Variants in NIN observed in about 807,000 individuals in gnomAD.
NIN encodes glycogen synthase kinase 3 beta-interacting protein.
Under a neutral mutation model 257.6 loss-of-function variants are expected in NIN, and 137 were observed. That is an observed-to-expected ratio of 0.53 (90% CI 0.46 to 0.61). NIN has a LOEUF of 0.61. Ranked by LOEUF, NIN falls within the 20% of genes least tolerant of loss-of-function variation. NIN has a pLI of 0.00. For missense variants in NIN, 2,439 were observed against 2,501.2 expected (o/e 0.98, Z 0.53); for synonymous variants, 918 against 919.8 (o/e 1.00, Z 0.04).
intron 3 of NIN, among the ~76,000 whole-genome samples, chr14:50,810,738 G>A (rs763859874): frequency 3.3e-5 from 5 of 151,360 alleles, no homozygotes; most frequent in Admixed American, 6.6e-5. Context: ...TCGGCTCACC[G>A]CAAGCTCCGC....
intron 6 of NIN, among the ~76,000 whole-genome samples, chr14:50,778,149 T>C (rs2042992250): frequency 6.6e-6 from 1 of 152,216 alleles, no homozygotes; most frequent in African/African-American, 2.4e-5. Flanking sequence ...TGTCAAGGGA[T>C]GCATTTTTAA....
chr14:50,827,974 A>AC (rs1200609936), intron 2 of NIN, among the ~76,000 whole-genome samples: 5 of 151,852 alleles, frequency 3.3e-5, no homozygotes, highest in South Asian at 2.1e-4. Flanking sequence ...CTACAGGAAA[A>AC]AAAAAACAAA....
intron 28 of NIN, among the ~76,000 whole-genome samples, chr14:50,731,569 C>T (rs1395312086): frequency 6.6e-6 from 1 of 150,916 alleles, no homozygotes; most frequent in Non-Finnish European, 1.5e-5. Flanking sequence ...CGTATGGTGG[C>T]TCACGCCTGT....
At chr14:50,776,330 C>T (rs1387329544) in intron 7 of NIN, among the ~76,000 whole-genome samples, 1 of 152,148 alleles carries the variant, frequency 6.6e-6, no homozygotes, top group Non-Finnish European at 1.5e-5. Flanking sequence ...CTTCAAAACT[C>T]TTCTTAGTAT....
At chr14:50,753,068 T>A (rs759642863) in intron 20 of NIN, among the ~76,000 whole-genome samples, 1 of 152,180 alleles carries the variant, frequency 6.6e-6, no homozygotes, top group East Asian at 1.9e-4. Flanking sequence ...TTGGAAATTT[T>A]ATGTTTGGAC....
chr14:50,784,144 T>C (rs2043246557), intron 5 of NIN, among the ~76,000 whole-genome samples: 1 of 152,224 alleles, frequency 6.6e-6, no homozygotes, highest in South Asian at 2.1e-4. Context: ...CAGATAACTG[T>C]AGAACACTGT....
intron 3 of NIN, among the ~76,000 whole-genome samples, chr14:50,811,488 AT>A (rs1196993159): frequency 7.0e-6 from 1 of 142,260 alleles, no homozygotes; most frequent in Non-Finnish European, 1.5e-5. Flanking sequence ...ATCTAGTTGT[AT>A]TTAATACACT....
chr14:50,754,803 CA>C lies in NIN; in HGVS notation c.4602del (p.Asn1534LysfsTer9). ...SILRNEITTL[N>X]EEDSISNLKL... is the part of the protein sequence containing the mutation. The stretch of plus-strand genomic sequence containing the variant: ...TTCAGGTTAGAAATGCTATCTTCTT[CA>C]TTTAAAGTAGTAATTTCATTTCTCA... On this transcript the variant is annotated frameshift_variant, in exon 19 of 31. Coordinates refer to ENST00000530997, the MANE Select transcript of NIN (RefSeq NM_020921.4). LOFTEE classifies it high-confidence loss of function. 6.3e-7 allele frequency: 1 copy of C among 1,580,186 alleles called. No individual in the cohort carries two copies. Among genetic ancestry groups the C allele is most frequent in the Non-Finnish European group, 8.6e-7 (1 of 1,160,692 alleles).
intron 2 of NIN, among the ~76,000 whole-genome samples, chr14:50,825,338 G>A (rs2045411012): frequency 6.6e-6 from 1 of 152,160 alleles, no homozygotes; most frequent in Admixed American, 6.5e-5. Flanking sequence ...ATAACTAAAT[G>A]ATAATGGCAG....
chr14:50,747,210 G>A (rs1304077129), intron 22 of NIN, among the ~76,000 whole-genome samples: 1 of 152,192 alleles, frequency 6.6e-6, no homozygotes, highest in African/African-American at 2.4e-5. Flanking sequence ...CCACATTCAT[G>A]AGACTGCATG....
chr14:50,829,850 T>C (rs948595659), intron 2 of NIN, among the ~76,000 whole-genome samples: 1 of 152,198 alleles, frequency 6.6e-6, no homozygotes, highest in Non-Finnish European at 1.5e-5. Flanking sequence ...CATCACCTAG[T>C]GTCCTTCTGT....
At chr14:50,731,128 C>G (rs1187713245) in intron 28 of NIN, 3 of 315,908 alleles carry the variant, frequency 9.5e-6, no homozygotes, top group Non-Finnish European at 1.9e-5. Flanking sequence ...ACACATTTTT[C>G]TGTATATAAA....
At chr14:50,830,802 T>C (rs1423273333) in intron 1 of NIN, 10 of 133,560 alleles carry the variant, frequency 7.5e-5, no homozygotes, top group African/African-American at 2.5e-4. Context: ...CGTCCCCGCC[T>C]CGTCCTCCCG....
chr14:50,745,963 A>T (rs1476028449), intron 22 of NIN, among the ~76,000 whole-genome samples: 3 of 152,022 alleles, frequency 2.0e-5, no homozygotes, highest in Non-Finnish European at 4.4e-5. Context: ...GGTCTCTGAT[A>T]AAACAACTTT....
intron 30 of NIN, among the ~76,000 whole-genome samples, chr14:50,725,129 A>G (rs142359265): frequency 6.6e-6 from 1 of 152,310 alleles, no homozygotes; most frequent in Non-Finnish European, 1.5e-5. Context: ...CCTGTGTATT[A>G]AGAAACAGGA....
chr14:50,748,865 C>T (rs371602036), intron 21 of NIN, among the ~76,000 whole-genome samples: 2 of 152,136 alleles, frequency 1.3e-5, no homozygotes, highest in African/African-American at 2.4e-5. Flanking sequence ...GAATCAATAT[C>T]GTGAAAATGG....
chr14:50,807,575 T>C (rs1188893887), intron 3 of NIN, among the ~76,000 whole-genome samples: 1 of 152,242 alleles, frequency 6.6e-6, no homozygotes, highest in Admixed American at 6.5e-5. Flanking sequence ...ATCACAATTC[T>C]AGTTTGATAA....
chr14:50,755,677 TTAA>T (rs2041994863), intron 18 of NIN, among the ~76,000 whole-genome samples: 1 of 28,534 alleles, frequency 3.5e-5, no homozygotes. Context: ...TTTTTTTTTT[TTAA>T]AAGAGACAGG....
At chr14:50,778,476 C>T (rs138705523) in intron 6 of NIN, among the ~76,000 whole-genome samples, 1,787 of 152,298 alleles carry the variant, frequency 0.012, 22 homozygotes, top group Non-Finnish European at 0.016. Context: ...CCAAGGGATG[C>T]ACTTTAATAG....
Sources: gnomAD v4.1 joint callset for allele counts (sites outside exome capture counted in the v4.1 genomes callset) on GRCh38, gnomAD v4.1.1 for gene constraint, MANE v1.5 for transcripts, NCBI Gene and HGNC (gene_info 2026-07-23, HGNC 2026-07-21) for gene names.